Variants in NBEA observed in about 807,000 individuals in gnomAD.
NBEA encodes the protein neurobeachin, also known as lysosomal-trafficking regulator 2.
Under a neutral mutation model 343.4 loss-of-function variants are expected in NBEA, and 44 were observed. The observed-to-expected ratio is 0.13, with a 90% confidence interval of 0.10 to 0.16. The LOEUF is 0.16. NBEA is among the 10% of genes least tolerant of loss of function. The pLI, the probability that NBEA is intolerant of heterozygous loss-of-function variation, is 1.00. For missense variants in NBEA, 2,555 were observed against 3,631.3 expected (o/e 0.70, Z 7.62); for synonymous variants, 1,175 against 1,238.7 (o/e 0.95, Z 1.08).
At chr13:35,453,096 A>G (rs556001950) in intron 40 of NBEA, among the ~76,000 whole-genome samples, 1 of 152,322 alleles carries the variant, frequency 6.6e-6, no homozygotes. Flanking sequence ...AATTCTTGAT[A>G]CAACATAACA....
intron 2 of NBEA, 136 bp downstream of exon 2, chr13:35,041,300 A>G (rs2062638615): frequency 1.3e-6 from 1 of 773,542 alleles, no homozygotes; most frequent in Non-Finnish European, 2.0e-6. Flanking sequence ...TGGAAATTTT[A>G]CTTTTTATAT....
chr13:35,084,308 T>C (rs1409832081), intron 10 of NBEA, among the ~76,000 whole-genome samples: 1 of 152,092 alleles, frequency 6.6e-6, no homozygotes, highest in Non-Finnish European at 1.5e-5. Context: ...TATTCCAAAA[T>C]TGACCACATA....
At chr13:35,338,258 GAA>G (rs1298547702) in intron 36 of NBEA, among the ~76,000 whole-genome samples, 2 of 151,764 alleles carry the variant, frequency 1.3e-5, no homozygotes, top group Non-Finnish European at 2.9e-5. Flanking sequence ...AATCGGGAAT[GAA>G]AGTAGGAATA....
rs577220189 is a variant in NBEA at position 35,316,976 on chromosome 13, ATTTG to A, written c.5903+7388_5903+7391del. 1.6e-3 allele frequency among the ~76,000 whole-genome samples: 242 copies of A among 151,930 alleles called. 1 individual carries two copies. Among genetic ancestry groups the A allele is most frequent in the African/African-American group, 5.6e-3 (234 of 41,426 alleles). On this transcript the variant is annotated intron_variant, in intron 36 of 58. Transcript: ENST00000379939. ...GGTTTTTTTGTTTTATTTCTTGTAA[ATTTG>A]TTTAAGTTCCTTGTAGATTCTGGAT...
At chr13:35,610,423 A>T in intron 48 of NBEA, among the ~76,000 whole-genome samples, 1 of 152,176 alleles carries the variant, frequency 6.6e-6, no homozygotes, top group Non-Finnish European at 1.5e-5. Context: ...AAATAAAATA[A>T]AATAAAGATA....
At chr13:35,507,406 C>T (rs1327933558) in intron 41 of NBEA, among the ~76,000 whole-genome samples, 2 of 152,096 alleles carry the variant, frequency 1.3e-5, no homozygotes, top group East Asian at 1.9e-4. Flanking sequence ...TAGCCTGACT[C>T]TCTTTCTTGA....
intron 45 of NBEA, among the ~76,000 whole-genome samples, chr13:35,581,064 C>T (rs13329009): frequency 0.24 from 36,316 of 152,006 alleles, 4,761 homozygotes; most frequent in East Asian, 0.35. Context: ...ATTTTATGCA[C>T]GTGAGAGGTC....
At chr13:35,175,456 T>C (rs936969007) in intron 27 of NBEA, among the ~76,000 whole-genome samples, 2 of 152,198 alleles carry the variant, frequency 1.3e-5, no homozygotes, top group Non-Finnish European at 2.9e-5. Flanking sequence ...CACTTCAAAA[T>C]AGTAATGTAT....
chr13:35,141,748 A>G (rs929007797), intron 17 of NBEA, among the ~76,000 whole-genome samples: 11 of 152,226 alleles, frequency 7.2e-5, no homozygotes. Context: ...GTAGACCACA[A>G]ATACAAGCAA....
At chr13:35,163,647 T>G (rs1593569718) in intron 23 of NBEA, among the ~76,000 whole-genome samples, 1 of 151,970 alleles carries the variant, frequency 6.6e-6, no homozygotes, top group African/African-American at 2.4e-5. Flanking sequence ...TATTCTTGAC[T>G]GACACCAAAC....
chr13:35,021,623 C>CTTTT (rs568108394), intron 1 of NBEA, among the ~76,000 whole-genome samples: 1 of 148,088 alleles, frequency 6.8e-6, no homozygotes, highest in Non-Finnish European at 1.5e-5. Context: ...ATTAACTACA[C>CTTTT]TTTTTTTTTT....
At chr13:35,192,115 A>T (rs1243208677) in intron 30 of NBEA, among the ~76,000 whole-genome samples, 1 of 152,058 alleles carries the variant, frequency 6.6e-6, no homozygotes, top group Admixed American at 6.6e-5. Flanking sequence ...ACAGAAACTG[A>T]TAAGAGCTAT....
At chr13:35,470,371 C>G (rs897877783) in intron 40 of NBEA, among the ~76,000 whole-genome samples, 1 of 148,980 alleles carries the variant, frequency 6.7e-6, no homozygotes, top group Non-Finnish European at 1.5e-5. Context: ...TGATGTTTCA[C>G]GATCTTTTTT....
intron 36 of NBEA, among the ~76,000 whole-genome samples, chr13:35,338,689 A>AT (rs1490583885): frequency 1.3e-5 from 2 of 152,064 alleles, no homozygotes; most frequent in Non-Finnish European, 2.9e-5. Flanking sequence ...CTACCACGCT[A>AT]TTAAGTAAAG....
At chr13:35,485,121 G>A (rs997749905) in intron 41 of NBEA, among the ~76,000 whole-genome samples, 2 of 151,832 alleles carry the variant, frequency 1.3e-5, no homozygotes, top group Admixed American at 6.6e-5. Flanking sequence ...TACCAATTAC[G>A]TACACTTCAG....
At chr13:34,970,876 G>A (rs763000583) in intron 1 of NBEA, among the ~76,000 whole-genome samples, 3 of 152,100 alleles carry the variant, frequency 2.0e-5, no homozygotes, top group Admixed American at 6.6e-5. Context: ...GGTTCCATAC[G>A]AATTTAAAAG....
At chr13:35,622,871 T>C (rs2083055701) in intron 48 of NBEA, among the ~76,000 whole-genome samples, 1 of 152,180 alleles carries the variant, frequency 6.6e-6, no homozygotes, top group Non-Finnish European at 1.5e-5. Context: ...TAGTCTACTT[T>C]CTTTTTTTTC....
chr13:35,040,956 G>A lies in NBEA; in HGVS notation c.318G>A (p.Leu106=). 6.2e-7 allele frequency: 1 copy of A among 1,613,008 alleles called. No homozygotes were observed. Residue 106 remains leucine (L), a synonymous_variant, in exon 2 of 59, where the codon TTG becomes TTA. Coordinates refer to ENST00000379939, the MANE Select transcript of NBEA (RefSeq NM_001385012.1). ...AGCTGGTTGGTGGAGAATTTGACTT[G>A]GAGATGAACTTTATTATCCAGGATG... The part of the protein sequence containing the change: ...LNLLVGGEFD[L]EMNFIIQDAE...
intron 55 of NBEA, among the ~76,000 whole-genome samples, chr13:35,659,773 G>A (rs140872379): frequency 4.7e-4 from 71 of 152,248 alleles, no homozygotes; most frequent in African/African-American, 1.1e-3. Context: ...GGCTTTGAAC[G>A]TATAAATTAT....
Sources: gnomAD v4.1 joint callset for allele counts (sites outside exome capture counted in the v4.1 genomes callset) on GRCh38, gnomAD v4.1.1 for gene constraint, MANE v1.5 for transcripts, NCBI Gene and HGNC (gene_info 2026-07-23, HGNC 2026-07-21) for gene names.